Variants in L3MBTL3 observed in about 807,000 individuals in gnomAD.
L3MBTL3 encodes L3MBTL histone methyl-lysine binding protein 3, also known as lethal(3)malignant brain tumor-like protein 3.
A neutral mutation model predicts 102.3 loss-of-function variants in L3MBTL3; 27 were observed. That is an observed-to-expected ratio of 0.26 (90% CI 0.19 to 0.36). The LOEUF (loss-of-function observed/expected upper bound fraction) is 0.36. L3MBTL3 is among the 10% of genes least tolerant of loss of function. The probability of loss-of-function intolerance (pLI) is 1.00; values close to 1 mark genes in which losing one functional copy is unlikely to be tolerated. For synonymous variants in L3MBTL3, 340 were observed against 320.9 expected (o/e 1.06, Z -0.64); for missense variants, 798 against 955.3 (o/e 0.84, Z 2.17).
chr6:130,049,005 T>C (rs918593751), intron 3 of L3MBTL3, among the ~76,000 whole-genome samples: 2 of 148,254 alleles, frequency 1.3e-5, no homozygotes, highest in African/African-American at 5.1e-5. Flanking sequence ...TGATAGCCTA[T>C]CAAGTAAGCT....
Position 130,120,907 on chromosome 6 carries a change from G to T in L3MBTL3, c.1915G>T (p.Asp639Tyr), listed in dbSNP as rs1293568531. Residue 639 changes from aspartate to tyrosine, a missense_variant, in exon 20 of 23, where the codon GAC becomes TAC. Coordinates refer to ENST00000361794, the MANE Select transcript of L3MBTL3 (RefSeq NM_032438.4). ...RDQHADDVKE[D>Y]FEERTESEMR... ...CCAGCATGCTGATGATGTCAAAGAA[G>T]ACTTTGAAGAGAGAACAGAAAGTGA... The T allele has an allele frequency of 6.2e-7, 1 of 1,611,940 alleles. No homozygotes were observed. The highest frequency in any genetic ancestry group is 2.2e-5 in the East Asian group (1 of 44,772).
At chr6:130,024,431 A>G (rs1168390809) in intron 2 of L3MBTL3, among the ~76,000 whole-genome samples, 2 of 152,184 alleles carry the variant, frequency 1.3e-5, no homozygotes, top group African/African-American at 4.8e-5. Context: ...TATCCAATCA[A>G]TGTTCTAAGA....
chr6:130,125,971 T>C (rs1025218821), intron 20 of L3MBTL3, among the ~76,000 whole-genome samples: 2 of 148,164 alleles, frequency 1.3e-5, no homozygotes, highest in African/African-American at 5.1e-5. Flanking sequence ...CTGTTAATTG[T>C]GTTTAGTACA....
intron 1 of L3MBTL3, among the ~76,000 whole-genome samples, chr6:130,020,878 G>A (rs988224901): frequency 6.0e-5 from 9 of 151,046 alleles, no homozygotes; most frequent in African/African-American, 2.0e-4. Flanking sequence ...TCCACCTCGG[G>A]GCCACCGCCA....
intron 7 of L3MBTL3, among the ~76,000 whole-genome samples, chr6:130,053,930 T>G (rs1781281946): frequency 6.6e-6 from 1 of 152,214 alleles, no homozygotes; most frequent in Admixed American, 6.5e-5. Context: ...ACTGCATTCT[T>G]GTTTAGGGGG....
chr6:130,133,806 GT>G lies in L3MBTL3; in HGVS notation c.2137-31del, dbSNP rs770903230. 6.4e-7 allele frequency: 1 copy of G among 1,573,354 alleles called. No homozygotes were observed. Among genetic ancestry groups the G allele is most frequent in the East Asian group, 2.2e-5 (1 of 44,612 alleles). ...CCTGTAGCATTTAGATTCTGACTGT[GT>G]TTTTTAACTGGGAATTTTGATATTG... On this transcript the variant is annotated intron_variant, in intron 21 of 22. Transcript: ENST00000361794. This position sits in a 1 kb window ranked among gnomAD's most constrained non-coding sequence, Gnocchi z 4.9.
intron 16 of L3MBTL3, among the ~76,000 whole-genome samples, chr6:130,087,864 A>G (rs1034720588): frequency 2.0e-5 from 3 of 152,190 alleles, no homozygotes; most frequent in South Asian, 2.1e-4. Flanking sequence ...ACAAGCATAC[A>G]TATATAAGCA....
chr6:130,058,471 C>CTA (rs1475521033), intron 9 of L3MBTL3, among the ~76,000 whole-genome samples: 1 of 145,824 alleles, frequency 6.9e-6, no homozygotes, highest in East Asian at 2.0e-4. Context: ...GACTCGGCCT[C>CTA]TAAAAAAAAA....
chr6:130,132,716 TAAAACTAGCTTTGGGTTCAGA>T (rs1787192419), intron 20 of L3MBTL3, among the ~76,000 whole-genome samples: 1 of 151,794 alleles, frequency 6.6e-6, no homozygotes, highest in African/African-American at 2.4e-5. Flanking sequence ...AAAGCAGCCA[TAAAACTAGCTTTGGGTTCAGA>T]AGCTCTAACA....
chr6:130,113,692 G>A (rs1347995996), intron 19 of L3MBTL3, among the ~76,000 whole-genome samples: 7 of 152,198 alleles, frequency 4.6e-5, no homozygotes, highest in African/African-American at 1.7e-4. Context: ...TAAGACCAGT[G>A]TTTCCACTAT....
Position 130,049,167 on chromosome 6 carries a change from A to T in L3MBTL3, c.103-115A>T, listed in dbSNP as rs1444491594. 3 of 646,842 alleles carry T rather than the reference A, an allele frequency of 4.6e-6. No individual in the cohort carries two copies. The Admixed American group carries it at 8.4e-5, about 18-fold the overall frequency. 40.1% of individuals were successfully genotyped at this position (646,842 alleles called of 1,614,324 possible). A position where few individuals can be genotyped will look rare whatever the true frequency, so the allele number is the denominator to read the frequency against. ...GGTGTATCAGGATATAATTGTCTAA[A>T]TTAACTTTTACCATGTAATTAATTT... On this transcript the variant is annotated intron_variant, in intron 3 of 22. Coordinates refer to ENST00000361794, the MANE Select transcript of L3MBTL3 (RefSeq NM_032438.4).
chr6:130,094,217 T>C, intron 17 of L3MBTL3, 48 bp from the exon 18 acceptor site: 2 of 1,449,470 alleles, frequency 1.4e-6, no homozygotes, highest in Non-Finnish European at 1.9e-6. Context: ...CTTCACAGAT[T>C]TTTGCTTAAT....
At chr6:130,045,300 A>C (rs1267648558) in intron 3 of L3MBTL3, among the ~76,000 whole-genome samples, 1 of 152,026 alleles carries the variant, frequency 6.6e-6, no homozygotes, top group Non-Finnish European at 1.5e-5. Flanking sequence ...AAGCCTTCAC[A>C]CGCTGGGCCC....
Position 130,051,412 on chromosome 6 carries a change from G to A in L3MBTL3, c.449+4G>A, listed in dbSNP as rs1781084346. On this transcript the variant is annotated splice_donor_region_variant and intron_variant, in intron 6 of 22. Coordinates refer to ENST00000361794, the MANE Select transcript of L3MBTL3 (RefSeq NM_032438.4). ...GTGCTCGGCACATCAAAGATAAGTA[G>A]GTTTTTGCCCCATTCCATCTATAAA... 1 of 1,610,698 alleles carries A rather than the reference G, an allele frequency of 6.2e-7. No individual in the cohort carries two copies. Among genetic ancestry groups the A allele is most frequent in the Non-Finnish European group, 8.5e-7 (1 of 1,177,628 alleles).
intron 19 of L3MBTL3, among the ~76,000 whole-genome samples, chr6:130,109,113 G>T (rs1273268307): frequency 6.6e-6 from 1 of 152,082 alleles, no homozygotes; most frequent in Non-Finnish European, 1.5e-5. Flanking sequence ...TGATTGATGG[G>T]CATTTGGATT....
intron 17 of L3MBTL3, among the ~76,000 whole-genome samples, chr6:130,093,355 C>T (rs564180360): frequency 6.6e-6 from 1 of 152,204 alleles, no homozygotes; most frequent in East Asian, 1.9e-4. Context: ...ACTTAACATA[C>T]CACGGCCTTA....
intron 16 of L3MBTL3, among the ~76,000 whole-genome samples, chr6:130,090,135 T>C (rs1037695923): frequency 6.6e-6 from 1 of 152,168 alleles, no homozygotes; most frequent in African/African-American, 2.4e-5. Context: ...GGGTTTTGAT[T>C]CTAAGATTAA....
chr6:130,025,499 T>A (rs1480744957), intron 2 of L3MBTL3, among the ~76,000 whole-genome samples: 1 of 152,092 alleles, frequency 6.6e-6, no homozygotes, highest in Non-Finnish European at 1.5e-5. Flanking sequence ...TAAGCTTGAT[T>A]TATGAAGTAA....
At chr6:130,085,418 T>C (rs1783622317) in intron 15 of L3MBTL3, among the ~76,000 whole-genome samples, 1 of 152,240 alleles carries the variant, frequency 6.6e-6, no homozygotes, top group Non-Finnish European at 1.5e-5. Flanking sequence ...TCAGCCACTT[T>C]AATATTGTTC....
Sources: allele counts gnomAD v4.1 joint callset (sites outside exome capture counted in the v4.1 genomes callset), GRCh38; gene constraint gnomAD v4.1.1; non-coding constraint Gnocchi (gnomAD v3.1); transcripts MANE v1.5; gene names NCBI Gene and HGNC (gene_info 2026-07-23, HGNC 2026-07-21).